The following DNAH14 variants were observed in gnomAD, a reference collection of about 807,000 sequenced individuals.
DNAH14 encodes the protein axonemal beta dynein heavy chain 14.
Under a neutral mutation model 520.9 loss-of-function variants are expected in DNAH14, and 478 were observed. That is an observed-to-expected ratio of 0.92 (90% CI 0.85 to 0.99). The LOEUF (loss-of-function observed/expected upper bound fraction) is 0.99, where lower values mean the gene tolerates loss of function less well. Ranked by LOEUF, DNAH14 falls within the 50% of genes least tolerant of loss-of-function variation. The pLI, the probability that DNAH14 is intolerant of heterozygous loss-of-function variation, is 0.00. For synonymous variants in DNAH14, 1,581 were observed against 1,757.2 expected, an observed-to-expected ratio of 0.90 and a Z score of 2.51; for missense variants, 4,831 against 5,234.5, an observed-to-expected ratio of 0.92 and a Z score of 2.38.
intron 79 of DNAH14, among the ~76,000 whole-genome samples, chr1:225,379,059 T>C (rs184003793): frequency 6.6e-6 from 1 of 152,108 alleles, no homozygotes; most frequent in Admixed American, 6.5e-5. Context: ...CTTCCAGCTC[T>C]AGTGTTTAGT....
intron 55 of DNAH14, among the ~76,000 whole-genome samples, chr1:225,294,785 C>A (rs577722563): frequency 6.6e-5 from 10 of 151,396 alleles, no homozygotes; most frequent in Non-Finnish European, 1.2e-4. Context: ...GATGGTACCA[C>A]TGCACTCCAG....
intron 27 of DNAH14, among the ~76,000 whole-genome samples, chr1:225,132,137 T>C (rs2078483008): frequency 6.6e-6 from 1 of 152,148 alleles, no homozygotes; most frequent in Non-Finnish European, 1.5e-5. Flanking sequence ...ACAGTGGTTT[T>C]CTGGAGTGAT....
rs2096062955 is a variant in DNAH14 at position 225,398,983 on chromosome 1, T to C, written c.13639-71T>C. ...CATAACAAATCCCTCAAGCCTAGCA[T>C]ACAGAAAATGTGAGCTACTGATTCA... On this transcript the variant is annotated intron_variant, in intron 85 of 85. Transcript: ENST00000682510. The C allele has an allele frequency of 3.5e-6, 4 of 1,153,040 alleles. No homozygotes were observed. The South Asian group carries it at 4.3e-5, about 12-fold the overall frequency. 71.4% of individuals were successfully genotyped at this position (1,153,040 alleles called of 1,614,324 possible). A position where few individuals can be genotyped will look rare whatever the true frequency, so the allele number is the denominator to read the frequency against.
Position 224,958,956 on chromosome 1 carries a change from G to A in DNAH14, c.218-1197G>A, listed in dbSNP as rs745379560. ...ATTTTTTTTATTTATTAAAGAAAGA[G>A]GGCAAGTTGTTATGATTTGGAAGTG... On this transcript the variant is annotated intron_variant, in intron 3 of 85. Coordinates refer to ENST00000682510, the MANE Select transcript of DNAH14 (RefSeq NM_001367479.1). 9.2e-5 allele frequency among the ~76,000 whole-genome samples: 14 copies of A among 152,102 alleles called. No individual in the cohort carries two copies. The South Asian group carries it at 1.5e-3, about 16-fold the overall frequency.
chr1:225,118,497 G>A (rs16844005), intron 25 of DNAH14, among the ~76,000 whole-genome samples: 11,109 of 152,210 alleles, frequency 0.073, 633 homozygotes, highest in East Asian at 0.24. Flanking sequence ...CCTTTGGCAA[G>A]TGGTCCTGAT....
At position 224,990,254 on chromosome 1, in the gene DNAH14, C is replaced by T. The variant is rs111233347; in HGVS notation, c.831-12529C>T. ...ATGATGTTAAAGTTTATGAATACAA[C>T]GTGGAATAATTAAATCAAGCTAGTT... On this transcript the variant is annotated intron_variant, in intron 8 of 85. Coordinates refer to ENST00000682510, the MANE Select transcript of DNAH14 (RefSeq NM_001367479.1). 3.3e-3 allele frequency among the ~76,000 whole-genome samples: 495 copies of T among 152,174 alleles called. 4 individuals carry two copies. Among genetic ancestry groups the T allele is most frequent in the African/African-American group, 0.011 (452 of 41,532 alleles).
At position 224,964,474 on chromosome 1, in the gene DNAH14, A is replaced by G; in HGVS notation, c.368-5A>G. The G allele has an allele frequency of 1.2e-6, 2 of 1,606,568 alleles. No individual in the cohort carries two copies. Among genetic ancestry groups the G allele is most frequent in the Non-Finnish European group, 1.7e-6 (2 of 1,175,972 alleles). On this transcript the variant is annotated splice_region_variant and splice_polypyrimidine_tract_variant and intron_variant, in intron 4 of 85. Coordinates refer to ENST00000682510, the MANE Select transcript of DNAH14 (RefSeq NM_001367479.1). ...ATACTGGATTTTTAAATTGTTCTAT[A>G]CCAGAACCAAAAGATGATGATGTGA...
At chr1:225,285,707 T>C (rs1210203500) in intron 54 of DNAH14, among the ~76,000 whole-genome samples, 1 of 151,444 alleles carries the variant, frequency 6.6e-6, no homozygotes, top group African/African-American at 2.4e-5. Context: ...AAAATAAAAA[T>C]TTAGCCAGGT....
At chr1:225,125,017 A>G (rs2077600867) in intron 27 of DNAH14, among the ~76,000 whole-genome samples, 1 of 152,160 alleles carries the variant, frequency 6.6e-6, no homozygotes. Context: ...GTTGTTAGTG[A>G]GCAGTAATAT....
intron 1 of DNAH14, among the ~76,000 whole-genome samples, chr1:224,943,822 T>A (rs1210424216): frequency 6.6e-6 from 1 of 152,234 alleles, no homozygotes; most frequent in African/African-American, 2.4e-5. Flanking sequence ...AGTTTCTTAA[T>A]CCTGAGTTCT....
rs770245866 is a variant in DNAH14 at position 224,960,294 on chromosome 1, A to G, written c.359A>G (p.Asp120Gly). The G allele has an allele frequency of 2.5e-6, 4 of 1,599,170 alleles. No homozygotes were observed. The highest frequency in any genetic ancestry group is 3.4e-6 in the Non-Finnish European group (4 of 1,174,708). The change falls in exon 4 of 86, where the codon GAT becomes GGT. Residue 120 changes from aspartate (D) to glycine (G), a missense_variant. By Grantham distance (94) the Asp-to-Gly change is moderately conservative. Coordinates refer to ENST00000682510, the MANE Select transcript of DNAH14 (RefSeq NM_001367479.1). ...AGGAAAGCCAGGCCTGTGTCCTATGATAGAACAGGTATGTGGTATCACTGA... is the reference window on the plus strand; with the variant it reads ...AGGAAAGCCAGGCCTGTGTCCTATGGTAGAACAGGTATGTGGTATCACTGA... ...NVRKARPVSY[D>G]RTEPKDDDVI...
At chr1:225,027,979 T>C (rs1010475879) in intron 11 of DNAH14, among the ~76,000 whole-genome samples, 9 of 152,156 alleles carry the variant, frequency 5.9e-5, no homozygotes, top group Admixed American at 3.3e-4. Flanking sequence ...ATTCTTGGGA[T>C]AAATCCCACT....
intron 54 of DNAH14, among the ~76,000 whole-genome samples, chr1:225,289,311 G>A (rs1308864644): frequency 2.0e-5 from 3 of 152,106 alleles, no homozygotes; most frequent in Non-Finnish European, 4.4e-5. Flanking sequence ...ACTGCCAGTG[G>A]GCTTGAAAGA....
In DNAH14 at chr1:225,327,836, A is replaced by AAG. The variant is rs569225713; in HGVS notation, c.9723+3018_9723+3019dup. ...TGAACAAACCTCTAGGGGAAACAAA[A>AAG]AGAGAGAGAGAGAGAAGAAAGAATT... On this transcript the variant is annotated intron_variant, in intron 64 of 85. Transcript: ENST00000682510. Among the ~76,000 whole-genome samples, 653 of 151,788 alleles carry AAG rather than the reference A, an allele frequency of 4.3e-3. 2 individuals carry two copies. Among genetic ancestry groups the AAG allele is most frequent in the Non-Finnish European group, 7.3e-3 (496 of 67,884 alleles).
At chr1:225,156,957 C>T (rs1388973956) in intron 34 of DNAH14, among the ~76,000 whole-genome samples, 4 of 149,446 alleles carry the variant, frequency 2.7e-5, no homozygotes, top group African/African-American at 7.4e-5. Context: ...CCTCGTGATC[C>T]GCCCGCCTCG....
intron 60 of DNAH14, among the ~76,000 whole-genome samples, chr1:225,313,075 GCTGTTTTTT>G (rs1163649026): frequency 1.3e-5 from 2 of 151,894 alleles, no homozygotes; most frequent in African/African-American, 4.8e-5. Context: ...CTGGTCCTGG[GCTGTTTTTT>G]CAGTTGGTAG....
At chr1:225,321,441 A>T (rs2094553808) in intron 61 of DNAH14, among the ~76,000 whole-genome samples, 1 of 152,222 alleles carries the variant, frequency 6.6e-6, no homozygotes, top group Non-Finnish European at 1.5e-5. Context: ...TTGAAAAAAA[A>T]TTCTAGTTGT....
intron 36 of DNAH14, among the ~76,000 whole-genome samples, chr1:225,170,628 A>G (rs754322048): frequency 2.1e-4 from 32 of 152,214 alleles, no homozygotes; most frequent in Non-Finnish European, 4.4e-4. Flanking sequence ...GCAAGTCCTT[A>G]GAGACCTACA....
At chr1:225,005,804 GATGTAATATACACGCATGT>G (rs1367783390) in intron 9 of DNAH14, among the ~76,000 whole-genome samples, 2 of 152,090 alleles carry the variant, frequency 1.3e-5, no homozygotes, top group Non-Finnish European at 2.9e-5. Context: ...AAGGAAGAAT[GATGTAATATACACGCATGT>G]ATGGAACATT....
Sources: allele counts gnomAD v4.1 joint callset (sites outside exome capture counted in the v4.1 genomes callset), GRCh38; gene constraint gnomAD v4.1.1; transcripts MANE v1.5; gene names NCBI Gene and HGNC (gene_info 2026-07-23, HGNC 2026-07-21).